The following VSIG1 variants were observed in gnomAD, a reference collection of about 807,000 sequenced individuals.
The protein encoded by VSIG1 is V-set and immunoglobulin domain containing 1, also known as V-set and immunoglobulin domain-containing protein 1.
In VSIG1, 11 loss-of-function variants were observed where a neutral mutation model predicts 20.1. The observed-to-expected ratio is 0.55, with a 90% CI of 0.34 to 0.91. VSIG1 has a LOEUF of 0.91. VSIG1 is among the 40% of genes least tolerant of loss of function. The probability of loss-of-function intolerance (pLI) is 0.02; values close to 1 mark genes in which losing one functional copy is unlikely to be tolerated. For missense variants in VSIG1, 283 were observed against 298.8 expected (o/e 0.95, Z 0.39); for synonymous variants, 126 against 116.7 (o/e 1.08, Z -0.52).
At chrX:108,025,272 C>T in the VSIG1 span, among the ~76,000 whole-genome samples, 1 of 111,948 alleles carries the variant, frequency 8.9e-6, no homozygotes, top group South Asian at 3.7e-4. Flanking sequence ...TTATTGTTCA[C>T]TATTGTTTTT....
In VSIG1 at chrX:108,077,743, G is replaced by A. The variant is rs914821351; in HGVS notation, c.*362G>A. The stretch of plus-strand genomic sequence containing the variant: ...TTTATTTTAGACAGAGTCTTGCTCC[G>A]TCGCGCAGGCTGTGATCGTAGTGGT... On this transcript the variant is annotated 3_prime_UTR_variant, in exon 7 of 7. Transcript: ENST00000217957. The A allele has an allele frequency of 6.8e-6, 1 of 147,434 alleles. No individual in the cohort carries two copies. The highest frequency in any genetic ancestry group is 1.3e-5 in the Non-Finnish European group (1 of 76,184). 12.2% of individuals were successfully genotyped at this position (147,434 alleles called of 1,213,427 possible). A position where few individuals can be genotyped will look rare whatever the true frequency, so the allele number is the denominator to read the frequency against.
At chrX:108,048,054 A>G (rs1409307953) in intron 1 of VSIG1, among the ~76,000 whole-genome samples, 1 of 92,594 alleles carries the variant, frequency 1.1e-5, no homozygotes, top group African/African-American at 4.1e-5. Context: ...CCCAGGCTGG[A>G]GTGCAATGGC....
chrX:108,073,435 T>C, intron 5 of VSIG1, 66 bp downstream of exon 5: 1 of 1,151,707 alleles, frequency 8.7e-7, no homozygotes, highest in Middle Eastern at 2.4e-4. Context: ...GTCAGACAAA[T>C]AAATTAGTTA....
chrX:108,059,747 CT>C (rs1234754376), intron 2 of VSIG1, among the ~76,000 whole-genome samples: 1 of 112,394 alleles, frequency 8.9e-6, no homozygotes, highest in Non-Finnish European at 1.9e-5. Flanking sequence ...CATGACCTTT[CT>C]TCCTTTTTGA....
upstream of VSIG1, among the ~76,000 whole-genome samples, chrX:108,042,138 A>T (rs1056480434): frequency 8.9e-6 from 1 of 112,217 alleles, no homozygotes; most frequent in East Asian, 2.8e-4. Context: ...GTCCAAGCAG[A>T]GAGTTTAAAT....
At chrX:108,028,708 G>T in the VSIG1 span, among the ~76,000 whole-genome samples, 1 of 111,432 alleles carries the variant, frequency 9.0e-6, no homozygotes, top group Non-Finnish European at 1.9e-5. Flanking sequence ...TGAGCCAAAA[G>T]GTCCATCTGT....
chrX:108,052,371 G>T (rs2030802993), intron 1 of VSIG1, among the ~76,000 whole-genome samples: 1 of 111,881 alleles, frequency 8.9e-6, no homozygotes, highest in African/African-American at 3.3e-5. Context: ...GGCCAAGGAA[G>T]GTGGATCACT....
Position 108,067,138 on chromosome X carries a change from T to C in VSIG1, c.412+4T>C. On this transcript the variant is annotated splice_donor_region_variant and intron_variant, in intron 3 of 6. Coordinates refer to ENST00000217957, the MANE Select transcript of VSIG1 (RefSeq NM_182607.5). The stretch of plus-strand genomic sequence containing the variant: ...ATCCTCAACGTCAGTGTGTTAGGTA[T>C]GAGCACTTTTTTCTGCTTTTTCTTT... 1.7e-6 allele frequency: 2 copies of C among 1,210,933 alleles called. No homozygotes were observed. The highest frequency in any genetic ancestry group is 3.5e-5 in the South Asian group (2 of 56,939).
intron 3 of VSIG1, among the ~76,000 whole-genome samples, chrX:108,072,232 C>T (rs1160731761): frequency 1.8e-5 from 2 of 110,069 alleles, no homozygotes; most frequent in African/African-American, 3.3e-5. Context: ...AAGCAGAAAA[C>T]TGCCAACATA....
upstream of VSIG1, among the ~76,000 whole-genome samples, chrX:108,043,192 C>G (rs1465792967): frequency 8.9e-6 from 1 of 111,896 alleles, no homozygotes; most frequent in Non-Finnish European, 1.9e-5. Context: ...AACGTTCTTT[C>G]TCTGTCACCT....
chrX:108,050,302 C>A (rs1173675185), intron 1 of VSIG1, among the ~76,000 whole-genome samples: 1 of 111,653 alleles, frequency 9.0e-6, no homozygotes, highest in Non-Finnish European at 1.9e-5. Flanking sequence ...AGGAATTAGT[C>A]CCTCTATGCA....
chrX:108,030,312 A>G, the VSIG1 span, among the ~76,000 whole-genome samples: 1 of 112,403 alleles, frequency 8.9e-6, no homozygotes, highest in East Asian at 2.8e-4. Flanking sequence ...GACTTTAATC[A>G]GAAAACAAGT....
rs1434395195 is a variant in VSIG1 at position 108,047,883 on chromosome X, TATAC to T, written c.49+2706_49+2709del. Among the ~76,000 whole-genome samples the T allele has an allele frequency of 6.0e-4, 31 of 51,653 alleles. 1 individual carries two copies. The highest frequency in any genetic ancestry group is 3.6e-3 in the African/African-American group (29 of 7,991). The allele number at this position is 51,653 out of a possible 115,157, so 44.9% of individuals were successfully genotyped here. On this transcript the variant is annotated intron_variant, in intron 1 of 6. Coordinates refer to ENST00000217957, the MANE Select transcript of VSIG1 (RefSeq NM_182607.5). The stretch of plus-strand genomic sequence containing the variant: ...ACATATATATATACACATATATATA[TATAC>T]ACACATATATATATATACACATATA...
the VSIG1 span, among the ~76,000 whole-genome samples, chrX:108,024,672 A>T: frequency 9.1e-5 from 10 of 110,246 alleles, no homozygotes; most frequent in Non-Finnish European, 1.9e-4. Context: ...ATCATTTCAA[A>T]GTATTTTCTA....
chrX:108,031,410 C>T, the VSIG1 span, among the ~76,000 whole-genome samples: 1 of 111,783 alleles, frequency 8.9e-6, no homozygotes, highest in African/African-American at 3.3e-5. Context: ...GCTCAAATCC[C>T]AAGCCTTGCC....
intron 1 of VSIG1, among the ~76,000 whole-genome samples, chrX:108,051,077 G>A (rs1004284585): frequency 2.7e-5 from 3 of 111,186 alleles, no homozygotes; most frequent in African/African-American, 6.5e-5. Flanking sequence ...CACAGGTAAG[G>A]GGGGATCTTC....
chrX:108,033,169 T>C, the VSIG1 span, among the ~76,000 whole-genome samples: 1 of 111,637 alleles, frequency 9.0e-6, no homozygotes, highest in African/African-American at 3.3e-5. Flanking sequence ...TCAGATACGC[T>C]GCTGTGTGTA....
chrX:108,041,689 CT>C (rs1306403610), upstream of VSIG1, among the ~76,000 whole-genome samples: 2 of 106,957 alleles, frequency 1.9e-5, no homozygotes, highest in Non-Finnish European at 3.9e-5. Context: ...ATGAATGGGA[CT>C]TTTTTTCCTC....
chrX:108,029,877 T>C, the VSIG1 span, among the ~76,000 whole-genome samples: 1 of 110,792 alleles, frequency 9.0e-6, no homozygotes, highest in Non-Finnish European at 1.9e-5. Flanking sequence ...CAGGATAAAG[T>C]CAGATTGTAA....
Sources: allele counts gnomAD v4.1 joint callset (sites outside exome capture counted in the v4.1 genomes callset), GRCh38; gene constraint gnomAD v4.1.1; transcripts MANE v1.5; gene names NCBI Gene and HGNC (gene_info 2026-07-23, HGNC 2026-07-21).